Variants in LDAH observed in about 807,000 individuals in gnomAD.
LDAH encodes lipid droplet-associated hydrolase.
A neutral mutation model predicts 29.6 loss-of-function variants in LDAH; 26 were observed. The ratio of observed to expected loss-of-function variants is 0.88; its 90% CI spans 0.64 to 1.22. The LOEUF is 1.22. Ranked by LOEUF, LDAH falls within the 50% of genes most tolerant of loss-of-function variation. LDAH has a pLI of 0.00. For missense variants in LDAH, 344 were observed against 387.3 expected (o/e 0.89, Z 0.94); for synonymous variants, 117 against 133.0 (o/e 0.88, Z 0.83).
intron 5 of LDAH, among the ~76,000 whole-genome samples, chr2:20,722,359 G>A (rs930447798): frequency 1.6e-5 from 2 of 121,872 alleles, no homozygotes; most frequent in South Asian, 2.6e-4. Flanking sequence ...CAGCCTGGGC[G>A]ACAGAATGAA....
At chr2:20,820,968 C>T (rs1196204048) in intron 1 of LDAH, among the ~76,000 whole-genome samples, 3 of 150,086 alleles carry the variant, frequency 2.0e-5, no homozygotes, top group Admixed American at 1.3e-4. Flanking sequence ...TATGAACAGA[C>T]ACTTCTCAAA....
At chr2:20,822,126 A>G (rs980125045) in intron 1 of LDAH, among the ~76,000 whole-genome samples, 17 of 65,506 alleles carry the variant, frequency 2.6e-4, no homozygotes, top group African/African-American at 1.1e-3. Context: ...AGGACTATCA[A>G]CTCTTTTTTT....
intron 4 of LDAH, among the ~76,000 whole-genome samples, chr2:20,754,124 T>A (rs1482134813): frequency 6.6e-6 from 1 of 152,052 alleles, no homozygotes; most frequent in Middle Eastern, 3.2e-3. Flanking sequence ...GAAAATTTCG[T>A]TGAAGAGGAG....
At chr2:20,777,510 C>T (rs111514874) in intron 3 of LDAH, among the ~76,000 whole-genome samples, 7,551 of 152,152 alleles carry the variant, frequency 0.05, 592 homozygotes, top group African/African-American at 0.17. Flanking sequence ...CTGCAACCTC[C>T]GCCTCCCGGG....
chr2:20,810,630 G>C (rs1672404596), intron 1 of LDAH, among the ~76,000 whole-genome samples: 1 of 152,180 alleles, frequency 6.6e-6, no homozygotes, highest in African/African-American at 2.4e-5. Flanking sequence ...TTACTTCTGA[G>C]GAACTTTTTC....
At chr2:20,733,592 T>C (rs950864662) in intron 5 of LDAH, among the ~76,000 whole-genome samples, 5 of 151,726 alleles carry the variant, frequency 3.3e-5, no homozygotes, top group Non-Finnish European at 4.4e-5. Flanking sequence ...TTAGTAGAGA[T>C]GGGGTTTCAT....
At chr2:20,753,693 A>G (rs1668115306) in intron 4 of LDAH, among the ~76,000 whole-genome samples, 1 of 152,224 alleles carries the variant, frequency 6.6e-6, no homozygotes, top group African/African-American at 2.4e-5. Flanking sequence ...TCAAACAGGC[A>G]TACTCACGGC....
chr2:20,807,421 G>A (rs1672143204), intron 1 of LDAH, among the ~76,000 whole-genome samples: 2 of 152,052 alleles, frequency 1.3e-5, no homozygotes, highest in African/African-American at 4.8e-5. Context: ...TTATAATTAA[G>A]GTTGAGATAG....
chr2:20,688,382 A>G (rs1287098248), intron 6 of LDAH, among the ~76,000 whole-genome samples: 1 of 152,224 alleles, frequency 6.6e-6, no homozygotes, highest in Non-Finnish European at 1.5e-5. Context: ...GGAGAGGCAG[A>G]GAGGGATGAG....
At position 20,685,507 on chromosome 2, in the gene LDAH, A is replaced by G. The variant is rs965029074; in HGVS notation, c.*1396T>C. 7.8e-6 allele frequency: 12 copies of G among 1,545,024 alleles called. No homozygotes were observed. Among genetic ancestry groups the G allele is most frequent in the Non-Finnish European group, 1.0e-5 (12 of 1,144,346 alleles). On this transcript the variant is annotated 3_prime_UTR_variant, in exon 7 of 7. Coordinates refer to ENST00000237822, the MANE Select transcript of LDAH (RefSeq NM_021925.4). ...TCTGAGAAGTCACTTGCTGTGATGT[A>G]GAAGCTATGCCAAAGCACAGTAACT... is the stretch of plus-strand genomic sequence containing the variant.
chr2:20,699,748 A>G (rs757446098), intron 6 of LDAH, among the ~76,000 whole-genome samples: 7 of 152,190 alleles, frequency 4.6e-5, no homozygotes, highest in Non-Finnish European at 8.8e-5. Context: ...AATGTCTACC[A>G]TTTACCATTA....
chr2:20,808,755 T>G (rs896025952), intron 1 of LDAH, among the ~76,000 whole-genome samples: 6 of 150,796 alleles, frequency 4.0e-5, no homozygotes, highest in Non-Finnish European at 7.4e-5. Flanking sequence ...AAATATACCA[T>G]TATTGAAGAC....
rs370429765 is a variant in LDAH at position 20,690,208 on chromosome 2, C to T, written c.787-3114G>A. ...AACATGGATTAAGGGACCCGACACCCACCTCAGGGTATCAAGAGACAAATA... is the reference window on the plus strand; with the variant it reads ...AACATGGATTAAGGGACCCGACACCTACCTCAGGGTATCAAGAGACAAATA... On this transcript the variant is annotated intron_variant, in intron 6 of 6. Coordinates refer to ENST00000237822, the MANE Select transcript of LDAH (RefSeq NM_021925.4). Among the ~76,000 whole-genome samples, 950 of 152,284 alleles carry T rather than the reference C, an allele frequency of 6.2e-3. 8 individuals are homozygous for T. The highest frequency in any genetic ancestry group is 0.021 in the African/African-American group (887 of 41,556).
intron 4 of LDAH, among the ~76,000 whole-genome samples, chr2:20,764,670 A>G (rs1357271085): frequency 6.6e-6 from 1 of 152,266 alleles, no homozygotes; most frequent in Non-Finnish European, 1.5e-5. Context: ...ATATTAAAAA[A>G]GCAAAAATAG....
chr2:20,694,255 G>A (rs113717643), intron 6 of LDAH, among the ~76,000 whole-genome samples: 114 of 152,286 alleles, frequency 7.5e-4, no homozygotes, highest in African/African-American at 2.6e-3. Flanking sequence ...GCCCATTTCT[G>A]GGGAGAGTCC....
At position 20,720,280 on chromosome 2, in the gene LDAH, A is replaced by C. The variant is rs568354346; in HGVS notation, c.704-18628T>G. 8.5e-5 allele frequency among the ~76,000 whole-genome samples: 13 copies of C among 152,286 alleles called. No individual in the cohort carries two copies. The South Asian group carries it at 2.7e-3, about 32-fold the overall frequency. On this transcript the variant is annotated intron_variant, in intron 5 of 6. Transcript: ENST00000237822. ...TAGTAAAGTTGCAGGATACAAAATC[A>C]ACATACAAAAATCAGCAGTGTTTAT...
intron 5 of LDAH, among the ~76,000 whole-genome samples, chr2:20,703,901 C>T (rs1226905839): frequency 2.6e-5 from 4 of 152,146 alleles, no homozygotes; most frequent in East Asian, 3.9e-4. Flanking sequence ...GAGCAACAAA[C>T]AAGACAGAAA....
intron 4 of LDAH, among the ~76,000 whole-genome samples, chr2:20,768,449 A>G (rs1016138841): frequency 6.6e-5 from 10 of 151,912 alleles, no homozygotes; most frequent in African/African-American, 2.4e-4. Context: ...CCATGCTGGC[A>G]CCTGGAGCTG....
At chr2:20,756,513 A>G (rs1489791454) in intron 4 of LDAH, among the ~76,000 whole-genome samples, 1 of 152,176 alleles carries the variant, frequency 6.6e-6, no homozygotes, top group Admixed American at 6.5e-5. Flanking sequence ...AGAGAGAGAG[A>G]AAGAGAGACC....
Sources: allele counts gnomAD v4.1 joint callset (sites outside exome capture counted in the v4.1 genomes callset), GRCh38; gene constraint gnomAD v4.1.1; transcripts MANE v1.5; gene names NCBI Gene and HGNC (gene_info 2026-07-23, HGNC 2026-07-21).